Variants in ASB3 observed in about 807,000 individuals in gnomAD.
ASB3 encodes ankyrin repeat and SOCS box containing 3.
A neutral mutation model predicts 54.5 loss-of-function variants in ASB3; 41 were observed. That is an observed-to-expected ratio of 0.75 (90% CI 0.59 to 0.98). The LOEUF is 0.98. Among genes scored for constraint, ASB3 ranks in the 50% least tolerant of loss-of-function variants. The pLI is 0.00. For synonymous variants in ASB3, 266 were observed against 221.2 expected, an observed-to-expected ratio of 1.20 and a Z score of -1.80; for missense variants, 733 against 620.0, an observed-to-expected ratio of 1.18 and a Z score of -1.94.
chr2:53,730,331 A>G (rs567728982), intron 3 of ASB3, among the ~76,000 whole-genome samples: 1 of 152,316 alleles, frequency 6.6e-6, no homozygotes, highest in South Asian at 2.1e-4. Context: ...GTGTGAGGCT[A>G]CTGAGTGACT....
At chr2:53,742,597 T>A (rs1274174983) in intron 3 of ASB3, among the ~76,000 whole-genome samples, 3 of 151,388 alleles carry the variant, frequency 2.0e-5, no homozygotes, top group Non-Finnish European at 4.4e-5. Context: ...AGTAAAAAAA[T>A]GGCTGACAGG....
At chr2:53,725,215 A>G (rs745370983) in intron 5 of ASB3, among the ~76,000 whole-genome samples, 1 of 152,356 alleles carries the variant, frequency 6.6e-6, no homozygotes, top group South Asian at 2.1e-4. Context: ...GTTCTTACTT[A>G]TAAGTGGAGG....
chr2:53,696,618 A>T (rs1387975995), intron 8 of ASB3, among the ~76,000 whole-genome samples: 1 of 152,190 alleles, frequency 6.6e-6, no homozygotes, highest in East Asian at 1.9e-4. Context: ...CAAGGGATTA[A>T]GGATTACTAA....
intron 1 of ASB3, chr2:53,774,675 G>A: frequency 3.5e-6 from 2 of 572,666 alleles, no homozygotes; most frequent in Non-Finnish European, 2.8e-6. Context: ...TAAAATATTG[G>A]GATACAGTGA....
In ASB3 at chr2:53,755,246, G is replaced by A. The variant is rs184681978; in HGVS notation, c.197-4305C>T. Among the ~76,000 whole-genome samples, 86 of 152,352 alleles carry A rather than the reference G, an allele frequency of 5.6e-4. No homozygotes were observed. The East Asian group carries it at 0.014, about 25-fold the overall frequency. ...AGCTGAACCAATGCCAGCCACTGACGCCTGTGTAGCAATGACAAGAGTTGG... is the reference window on the plus strand; with the variant it reads ...AGCTGAACCAATGCCAGCCACTGACACCTGTGTAGCAATGACAAGAGTTGG... On this transcript the variant is annotated intron_variant, in intron 2 of 9. Transcript: ENST00000263634.
intron 1 of ASB3, chr2:53,767,940 G>T: frequency 6.2e-7 from 1 of 1,614,128 alleles, no homozygotes; most frequent in Non-Finnish European, 8.5e-7. Context: ...TCCCCTATCA[G>T]GACAAGCTGG....
At chr2:53,774,072 G>T in intron 1 of ASB3, 1 of 1,428,026 alleles carries the variant, frequency 7.0e-7, no homozygotes, top group Non-Finnish European at 9.5e-7. Context: ...TACTCCCTTA[G>T]ATCACAACCT....
chr2:53,757,690 A>C (rs1672911889), intron 2 of ASB3, among the ~76,000 whole-genome samples: 1 of 152,166 alleles, frequency 6.6e-6, no homozygotes, highest in Non-Finnish European at 1.5e-5. Context: ...TAGGCTATGA[A>C]CCCAGGGAAT....
intron 1 of ASB3, among the ~76,000 whole-genome samples, chr2:53,783,838 T>C (rs956070417): frequency 6.6e-6 from 1 of 152,182 alleles, no homozygotes; most frequent in Non-Finnish European, 1.5e-5. Flanking sequence ...TGAAAAAAAT[T>C]GCTTGAAATT....
intron 7 of ASB3, among the ~76,000 whole-genome samples, chr2:53,702,315 A>G (rs997346771): frequency 4.6e-5 from 7 of 152,184 alleles, no homozygotes; most frequent in African/African-American, 9.6e-5. Flanking sequence ...GCTTCTGGGA[A>G]GGTTATTAAA....
At chr2:53,745,142 T>C (rs551728727) in intron 3 of ASB3, among the ~76,000 whole-genome samples, 3 of 152,294 alleles carry the variant, frequency 2.0e-5, no homozygotes, top group African/African-American at 7.2e-5. Context: ...GAATTTATTA[T>C]AGCTATCAAC....
intron 7 of ASB3, among the ~76,000 whole-genome samples, chr2:53,710,748 A>T (rs1670048150): frequency 6.6e-6 from 1 of 152,134 alleles, no homozygotes; most frequent in Admixed American, 6.5e-5. Flanking sequence ...AAAAGCCTTG[A>T]CTTTCCTGCT....
At chr2:53,718,763 TAA>T (rs541065888) in intron 5 of ASB3, among the ~76,000 whole-genome samples, 7 of 140,254 alleles carry the variant, frequency 5.0e-5, no homozygotes, top group Admixed American at 7.1e-5. Context: ...CAATTTGGAT[TAA>T]AAAAAAAAAA....
At chr2:53,760,074 C>G (rs995204985) in intron 2 of ASB3, among the ~76,000 whole-genome samples, 10 of 152,206 alleles carry the variant, frequency 6.6e-5, no homozygotes, top group Non-Finnish European at 1.3e-4. Flanking sequence ...TAAGTTGTGA[C>G]TGGCGAACTT....
intron 9 of ASB3, among the ~76,000 whole-genome samples, chr2:53,680,865 C>T (rs1468705300): frequency 6.6e-6 from 1 of 152,022 alleles, no homozygotes; most frequent in East Asian, 1.9e-4. Flanking sequence ...CACCTCTCAC[C>T]AACCATCCCC....
intron 9 of ASB3, among the ~76,000 whole-genome samples, chr2:53,678,984 T>A (rs907129520): frequency 6.6e-6 from 1 of 152,064 alleles, no homozygotes; most frequent in East Asian, 1.9e-4. Context: ...TCTCCCTTAT[T>A]GCCACACCCA....
chr2:53,748,905 A>G (rs549460229), intron 3 of ASB3, among the ~76,000 whole-genome samples: 66 of 152,150 alleles, frequency 4.3e-4, no homozygotes, highest in Non-Finnish European at 7.5e-4. Flanking sequence ...ACTTCCTGAT[A>G]AGATTATGAT....
In ASB3 at chr2:53,700,402, G is replaced by C. The variant is rs1245922997; in HGVS notation, c.1107C>G (p.Cys369Trp). The stretch of plus-strand genomic sequence containing the variant: ...ATATATGGTTCCATGGTCCCAATGA[G>C]CAACCTTTCCTCAAAAAGTAGCGAA... ...SIFRYFLRKGCSLGPWNHIYE... is the reference protein window; with the variant it reads ...SIFRYFLRKGWSLGPWNHIYE... The change falls in exon 8 of 10, where the codon TGC (cysteine) becomes TGG (tryptophan). Residue 369 changes from cysteine (C) to tryptophan (W), a missense_variant. Cys to Trp is a radical substitution (Grantham distance 215). Transcript: ENST00000263634. 6.2e-7 allele frequency: 1 copy of C among 1,613,910 alleles called. No homozygotes were observed. Among genetic ancestry groups the C allele is most frequent in the Non-Finnish European group, 8.5e-7 (1 of 1,180,002 alleles).
chr2:53,755,062 T>G (rs945195721), intron 2 of ASB3, among the ~76,000 whole-genome samples: 11 of 152,210 alleles, frequency 7.2e-5, no homozygotes, highest in African/African-American at 2.7e-4. Flanking sequence ...CTCCTTACCC[T>G]CAAAGGAAGG....
Sources: allele counts gnomAD v4.1 joint callset (sites outside exome capture counted in the v4.1 genomes callset), GRCh38; gene constraint gnomAD v4.1.1; transcripts MANE v1.5; gene names NCBI Gene and HGNC (gene_info 2026-07-23, HGNC 2026-07-21).